Variants in DARS1 observed in about 807,000 individuals in gnomAD.
DARS1 encodes the protein aspartate--tRNA ligase, cytoplasmic.
A neutral mutation model predicts 68.8 loss-of-function variants in DARS1; 51 were observed. The observed-to-expected ratio is 0.74, with a 90% CI of 0.59 to 0.94. The LOEUF is 0.94. Among genes scored for constraint, DARS1 ranks in the 40% least tolerant of loss-of-function variants. The pLI, the probability that DARS1 is intolerant of heterozygous loss-of-function variation, is 0.00. For missense variants in DARS1, 607 were observed against 597.3 expected (o/e 1.02, Z -0.17); for synonymous variants, 203 against 190.4 (o/e 1.07, Z -0.55).
Position 135,916,300 on chromosome 2 carries a change from T to TA in DARS1, c.1031dup (p.Arg345LysfsTer6), listed in dbSNP as rs1319087389. 1.3e-6 allele frequency: 2 copies of TA among 1,544,898 alleles called. No homozygotes were observed. Among genetic ancestry groups the TA allele is most frequent in the East Asian group, 2.2e-5 (1 of 44,514 alleles). On this transcript the variant is annotated frameshift_variant, in exon 11 of 16. Coordinates refer to ENST00000264161, the MANE Select transcript of DARS1 (RefSeq NM_001349.4). LOFTEE classifies it high-confidence loss of function. Reference sequence around the variant, plus strand: ...CCAATGCTTCACAATATTCTAGTCTTAGAGTTGGCTCCAAAAATTTGAATG... The same window carrying TA: ...CCAATGCTTCACAATATTCTAGTCTTAAGAGTTGGCTCCAAAAATTTGAATG...
intron 2 of DARS1, among the ~76,000 whole-genome samples, chr2:135,982,387 G>A (rs1366732288): frequency 3.3e-5 from 5 of 152,036 alleles, no homozygotes; most frequent in Non-Finnish European, 7.4e-5. Context: ...CTTGAGTTCA[G>A]GAGTTCGAGA....
chr2:135,913,318 T>A (rs527894002), intron 12 of DARS1, among the ~76,000 whole-genome samples: 116 of 152,270 alleles, frequency 7.6e-4, no homozygotes, highest in African/African-American at 1.1e-3. Context: ...GAATTTAAAT[T>A]TTTATCTAGA....
chr2:135,954,808 G>A (rs1465484674), intron 4 of DARS1, among the ~76,000 whole-genome samples: 1 of 152,062 alleles, frequency 6.6e-6, no homozygotes, highest in Non-Finnish European at 1.5e-5. Flanking sequence ...TACAGAGGTC[G>A]AGGAAGAGTA....
At chr2:135,951,873 T>C (rs1285881420) in intron 4 of DARS1, among the ~76,000 whole-genome samples, 1 of 152,156 alleles carries the variant, frequency 6.6e-6, no homozygotes, top group East Asian at 1.9e-4. Flanking sequence ...TTTTTCAAGG[T>C]AAAATGCTAT....
rs1575395302 is a variant in DARS1, at chr2:135,943,407, G to C, written c.394C>G (p.Gln132Glu). 1 of 1,613,544 alleles carries C rather than the reference G, an allele frequency of 6.2e-7. No individual in the cohort carries two copies. The highest frequency in any genetic ancestry group is 2.2e-5 in the East Asian group (1 of 44,830). ...TGAACATGTAACTCAACGTCTTGCT[G>C]TGTACAGCTTCCAATTTTCTGATTC... is the stretch of plus-strand genomic sequence containing the variant. ...KVNQKIGSCT[Q>E]QDVELHVQKI... The change falls in exon 5 of 16, where the codon CAG becomes GAG. Residue 132 changes from glutamine (Q) to glutamate (E), a missense_variant. Coordinates refer to ENST00000264161, the MANE Select transcript of DARS1 (RefSeq NM_001349.4).
intron 15 of DARS1, among the ~76,000 whole-genome samples, chr2:135,910,216 C>T (rs1326888023): frequency 6.6e-6 from 1 of 152,122 alleles, no homozygotes; most frequent in Admixed American, 6.5e-5. Context: ...TGGTAATTCT[C>T]TTTGTAATGT....
chr2:135,924,652 C>CAAGGCAAA (rs1681176780), intron 7 of DARS1, among the ~76,000 whole-genome samples, 154 bp from the exon 8 acceptor site: 2 of 152,144 alleles, frequency 1.3e-5, no homozygotes, highest in African/African-American at 4.8e-5. Context: ...CGAATAAATA[C>CAAGGCAAA]AAGGCAAAAA....
chr2:135,931,095 T>C (rs1273762170), intron 7 of DARS1, among the ~76,000 whole-genome samples: 1 of 152,224 alleles, frequency 6.6e-6, no homozygotes, highest in Non-Finnish European at 1.5e-5. Flanking sequence ...CAGGCTACAC[T>C]AGAACCTGAC....
At chr2:135,921,531 T>A (rs1000451298) in intron 9 of DARS1, among the ~76,000 whole-genome samples, 6 of 152,186 alleles carry the variant, frequency 3.9e-5, no homozygotes, top group African/African-American at 1.2e-4. Flanking sequence ...TTACTATTTA[T>A]ACTACATAAT....
intron 7 of DARS1, among the ~76,000 whole-genome samples, chr2:135,928,205 C>T (rs1164959092): frequency 6.6e-6 from 1 of 152,106 alleles, no homozygotes; most frequent in African/African-American, 2.4e-5. Context: ...CCCACTATAT[C>T]TTTTGCTTTT....
intron 3 of DARS1, among the ~76,000 whole-genome samples, chr2:135,964,666 C>G (rs536576311): frequency 6.6e-6 from 1 of 151,940 alleles, no homozygotes; most frequent in African/African-American, 2.4e-5. Flanking sequence ...CGTGGTGAAA[C>G]CCCATCTCTA....
Position 135,906,346 on chromosome 2 carries a change from T to C in DARS1, c.*970A>G, listed in dbSNP as rs1470245860. Among the ~76,000 whole-genome samples, 1 of 152,224 alleles carries C rather than the reference T, an allele frequency of 6.6e-6. No individual in the cohort carries two copies. Among genetic ancestry groups the C allele is most frequent in the Non-Finnish European group, 1.5e-5 (1 of 68,042 alleles). ...AATCTAGAGGGAAAGTGTTTCTAAC[T>C]AATTCTTACACAAAAATTTCTTTTT... On this transcript the variant is annotated 3_prime_UTR_variant, in exon 16 of 16. Transcript: ENST00000264161.
intron 13 of DARS1, among the ~76,000 whole-genome samples, chr2:135,912,130 T>C (rs962582934): frequency 1.3e-5 from 2 of 152,182 alleles, no homozygotes; most frequent in Non-Finnish European, 2.9e-5. Flanking sequence ...ATTTAGATTA[T>C]TAACTCCCAG....
At chr2:135,957,871 GAAAT>G (rs1260130670) in intron 4 of DARS1, among the ~76,000 whole-genome samples, 2 of 152,010 alleles carry the variant, frequency 1.3e-5, no homozygotes, top group African/African-American at 4.8e-5. Context: ...CTTTAAAATA[GAAAT>G]AAATTTTTAA....
chr2:135,922,897 T>G lies in DARS1; in HGVS notation c.698A>C (p.Asn233Thr). ...IISAASEGGA[N>T]VFTVSYFKNN... is the part of the protein sequence containing the mutation. ...TTTAAAATATGACACAGTAAAAACA[T>G]TGGCTCCTCCTTCACTGGCAGCTGA... The change falls in exon 9 of 16, where the codon AAT becomes ACT. Residue 233 changes from asparagine to threonine, a missense_variant. By Grantham distance (65) the Asn-to-Thr change is moderately conservative (BLOSUM62 0). Transcript: ENST00000264161. The G allele has an allele frequency of 6.4e-7, 1 of 1,558,060 alleles. No individual in the cohort carries two copies. Among genetic ancestry groups the G allele is most frequent in the Non-Finnish European group, 8.7e-7 (1 of 1,154,264 alleles).
intron 5 of DARS1, among the ~76,000 whole-genome samples, chr2:135,941,431 G>A (rs1341607008): frequency 6.6e-6 from 1 of 152,106 alleles, no homozygotes; most frequent in African/African-American, 2.4e-5. Context: ...TTTAATAAAT[G>A]GTGCTGGGAA....
At position 135,907,261 on chromosome 2, in the gene DARS1, T is replaced by TTTTTTTTTTTGG; in HGVS notation, c.*54_*55insCCAAAAAAAAAA. The TTTTTTTTTTTGG allele has an allele frequency of 1.1e-6, 1 of 889,240 alleles. No individual in the cohort carries two copies. Among genetic ancestry groups the TTTTTTTTTTTGG allele is most frequent in the Non-Finnish European group, 1.7e-6 (1 of 601,878 alleles). 55.1% of individuals were successfully genotyped at this position (889,240 alleles called of 1,614,324 possible). ...GGCTTTCTTTTTTTTTTTTTTTTTT[T>TTTTTTTTTTTGG]GAGGCAGGGTCTCGCTCTGTCATCC... is the stretch of plus-strand genomic sequence containing the variant. On this transcript the variant is annotated 3_prime_UTR_variant, in exon 16 of 16. Coordinates refer to ENST00000264161, the MANE Select transcript of DARS1 (RefSeq NM_001349.4).
intron 5 of DARS1, 42 bp from the exon 6 acceptor site, chr2:135,934,032 A>T (rs572143047): frequency 2.5e-6 from 4 of 1,590,124 alleles, no homozygotes; most frequent in Middle Eastern, 1.7e-4. Flanking sequence ...AAGCACACAA[A>T]ATCTGCATCT....
At chr2:135,962,589 AAGAC>A (rs1377391686) in intron 3 of DARS1, among the ~76,000 whole-genome samples, 1 of 152,252 alleles carries the variant, frequency 6.6e-6, no homozygotes, top group Non-Finnish European at 1.5e-5. Flanking sequence ...CAAGTTAAAA[AAGAC>A]AGGTTGCAAA....
Sources: gnomAD v4.1 joint callset for allele counts (sites outside exome capture counted in the v4.1 genomes callset) on GRCh38, gnomAD v4.1.1 for gene constraint, MANE v1.5 for transcripts, NCBI Gene and HGNC (gene_info 2026-07-23, HGNC 2026-07-21) for gene names.